RPAP3: variants seen among roughly 807,000 people sequenced by gnomAD.
The protein encoded by RPAP3 is RNA polymerase II-associated protein 3.
Under a neutral mutation model 88.8 loss-of-function variants are expected in RPAP3, and 58 were observed. That is an observed-to-expected ratio of 0.65 (90% CI 0.53 to 0.81). The LOEUF is 0.81. RPAP3 is among the 40% of genes least tolerant of loss of function. The pLI, the probability that RPAP3 is intolerant of heterozygous loss-of-function variation, is 0.00. For missense variants in RPAP3, 751 were observed against 764.3 expected (o/e 0.98, Z 0.20); for synonymous variants, 255 against 259.9 (o/e 0.98, Z 0.18).
intron 16 of RPAP3, among the ~76,000 whole-genome samples, 194 bp from the exon 17 acceptor site, chr12:47,663,784 C>G (rs1045594263): frequency 6.6e-6 from 1 of 152,180 alleles, no homozygotes; most frequent in Non-Finnish European, 1.5e-5. Context: ...AACAATGGTT[C>G]TTTCAGGAAT....
chr12:47,686,947 T>A lies in RPAP3; in HGVS notation c.865-40A>T, dbSNP rs10875680. 161,267 of 1,268,124 alleles carry A rather than the reference T, an allele frequency of 0.13. 10,915 individuals carry two copies. Among genetic ancestry groups the A allele is most frequent in the Admixed American group, 0.37 (14,481 of 39,300 alleles). The allele number at this position is 1,268,124 out of a possible 1,614,324, so 78.6% of individuals were successfully genotyped here. A position where few individuals can be genotyped will look rare whatever the true frequency, so the allele number is the denominator to read the frequency against. On this transcript the variant is annotated intron_variant, in intron 8 of 16. Coordinates refer to ENST00000005386, the MANE Select transcript of RPAP3 (RefSeq NM_024604.3). ...AGAGATATGGAGAATAAAAAAAAAA[T>A]TTCAAAAAAAATAAATGAATTCAAA...
chr12:47,661,253 T>C lies in RPAP3; in HGVS notation c.*2252A>G, dbSNP rs1251572892. 1 of 152,182 alleles carries C rather than the reference T, an allele frequency of 6.6e-6. No homozygotes were observed. Among genetic ancestry groups the C allele is most frequent in the African/African-American group, 2.4e-5 (1 of 41,458 alleles). 9.4% of individuals were successfully genotyped at this position (152,182 alleles called of 1,614,324 possible). ...GCAATAGGTTGTATACGCAGGTTAT[T>C]TGACCCAAAAATGACTTTATTAACC... On this transcript the variant is annotated 3_prime_UTR_variant, in exon 17 of 17. Transcript: ENST00000005386.
intron 12 of RPAP3, among the ~76,000 whole-genome samples, chr12:47,671,695 A>G (rs1004765185): frequency 3.3e-5 from 5 of 152,334 alleles, no homozygotes; most frequent in African/African-American, 1.2e-4. Flanking sequence ...TCAAGAATGG[A>G]TATGTGTATT....
At chr12:47,669,794 TAAA>T (rs1156488591) in intron 13 of RPAP3, among the ~76,000 whole-genome samples, 1 of 152,150 alleles carries the variant, frequency 6.6e-6, no homozygotes, top group East Asian at 1.9e-4. Context: ...AGCTTCCTTT[TAAA>T]AAACTAAAAT....
chr12:47,688,507 T>A (rs1017400448), intron 7 of RPAP3, among the ~76,000 whole-genome samples: 2 of 152,164 alleles, frequency 1.3e-5, no homozygotes, highest in Non-Finnish European at 2.9e-5. Flanking sequence ...TTATTTTAAA[T>A]AAATAAATAA....
chr12:47,681,869 A>C (rs778706124), intron 9 of RPAP3, 52 bp from the exon 10 acceptor site: 3 of 1,498,940 alleles, frequency 2.0e-6, no homozygotes, highest in East Asian at 4.9e-5. Context: ...TTATGGAAAA[A>C]TGTCATATAA....
chr12:47,702,938 A>T, intron 1 of RPAP3, 92 bp from the exon 2 acceptor site: 1 of 964,558 alleles, frequency 1.0e-6, no homozygotes, highest in Non-Finnish European at 1.5e-6. Context: ...ACCACTTCAT[A>T]AGTGGCCAAG....
At chr12:47,678,041 C>T (rs1221014812) in intron 12 of RPAP3, among the ~76,000 whole-genome samples, 1 of 152,062 alleles carries the variant, frequency 6.6e-6, no homozygotes, top group Non-Finnish European at 1.5e-5. Context: ...GTACTGGTAC[C>T]AAAACAGAGA....
At chr12:47,701,365 C>T (rs1939649843) in intron 3 of RPAP3, 99 bp downstream of exon 3, 8 of 783,436 alleles carry the variant, frequency 1.0e-5, no homozygotes, top group African/African-American at 1.8e-5. Flanking sequence ...AAAACACAGG[C>T]CATAACTCTA....
Position 47,697,628 on chromosome 12 carries a change from T to C in RPAP3, c.386A>G (p.Asp129Gly). The change falls in exon 4 of 17, where the codon GAT (aspartate) becomes GGT (glycine). Residue 129 changes from aspartate to glycine, a missense_variant. Transcript: ENST00000005386. ...SESEEDGIHV[D>G]SQKALVLKEK... ...TTTTAAAACAAGAGCCTTTTGTGAA[T>C]CTACATGAATCCCATCTTCTTCCGA... 1 of 1,610,278 alleles carries C rather than the reference T, an allele frequency of 6.2e-7. No homozygotes were observed. Among genetic ancestry groups the C allele is most frequent in the Non-Finnish European group, 8.5e-7 (1 of 1,178,710 alleles).
intron 9 of RPAP3, among the ~76,000 whole-genome samples, chr12:47,682,681 A>T (rs1268496546): frequency 4.0e-5 from 5 of 123,738 alleles, no homozygotes; most frequent in East Asian, 2.0e-4. Context: ...TAAGAATATT[A>T]AAAAAAAAAA....
chr12:47,675,793 A>T (rs909360108), intron 12 of RPAP3, among the ~76,000 whole-genome samples: 2 of 152,146 alleles, frequency 1.3e-5, no homozygotes, highest in Non-Finnish European at 2.9e-5. Flanking sequence ...AACAATAATA[A>T]TGGGAGACTT....
At chr12:47,669,992 T>C in intron 13 of RPAP3, 115 bp downstream of exon 13, 1 of 677,674 alleles carries the variant, frequency 1.5e-6, no homozygotes, top group Non-Finnish European at 2.6e-6. Context: ...AAACTTAAGT[T>C]AGGCAGTTCA....
intron 7 of RPAP3, 87 bp from the exon 8 acceptor site, chr12:47,688,088 T>C: frequency 2.7e-6 from 3 of 1,123,230 alleles, no homozygotes; most frequent in Non-Finnish European, 3.6e-6. Context: ...ACCTCAAATA[T>C]ATTAGAATTT....
At chr12:47,683,822 G>A (rs996339923) in intron 9 of RPAP3, among the ~76,000 whole-genome samples, 2 of 152,100 alleles carry the variant, frequency 1.3e-5, no homozygotes, top group African/African-American at 2.4e-5. Flanking sequence ...CTTGCCCTAG[G>A]TCTACTCTGG....
In RPAP3 at chr12:47,689,117, T is replaced by G; in HGVS notation, c.738+8A>C. 10 of 1,300,018 alleles carry G rather than the reference T, an allele frequency of 7.7e-6. No individual in the cohort carries two copies. Among genetic ancestry groups the G allele is most frequent in the South Asian group, 1.2e-5 (1 of 80,130 alleles). 80.5% of individuals were successfully genotyped at this position (1,300,018 alleles called of 1,614,324 possible). On this transcript the variant is annotated splice_region_variant and intron_variant, in intron 7 of 16. Coordinates refer to ENST00000005386, the MANE Select transcript of RPAP3 (RefSeq NM_024604.3). ...ATAATACACTTAATTTAAATAACTATAGTTTACCTGACTGATTTTCCTGAG... is the reference window on the plus strand; with the variant it reads ...ATAATACACTTAATTTAAATAACTAGAGTTTACCTGACTGATTTTCCTGAG...
At position 47,681,764 on chromosome 12, in the gene RPAP3, T is replaced by C; in HGVS notation, c.1046A>G (p.Tyr349Cys). 1.9e-6 allele frequency: 3 copies of C among 1,611,722 alleles called. No homozygotes were observed. Among genetic ancestry groups the C allele is most frequent in the Non-Finnish European group, 1.7e-6 (2 of 1,178,952 alleles). The change falls in exon 10 of 17, where the codon TAT becomes TGT. Residue 349 changes from tyrosine (Y) to cysteine (C), a missense_variant. By Grantham distance (194) the Tyr-to-Cys change is radical. Coordinates refer to ENST00000005386, the MANE Select transcript of RPAP3 (RefSeq NM_024604.3). ...TCCTCTTCTGGCAAAAGCTTTAGAATATGAGCCATCTAATAAAATGGCTTG... is the reference window on the plus strand; with the variant it reads ...TCCTCTTCTGGCAAAAGCTTTAGAACATGAGCCATCTAATAAAATGGCTTG... The part of the protein sequence containing the change: ...CTQAILLDGS[Y>C]SKAFARRGTA...
chr12:47,665,519 TA>T (rs1244091029), intron 16 of RPAP3, among the ~76,000 whole-genome samples: 2 of 151,430 alleles, frequency 1.3e-5, no homozygotes, highest in African/African-American at 4.8e-5. Context: ...TAAGAAACAG[TA>T]ACATTTTTCA....
rs1473606880 is a variant in RPAP3 at position 47,701,485 on chromosome 12, CTCATAA to C, written c.267_272del (p.Asp89_Tyr90del). ...TTACCACATCAAGTTTTGCCCATGC[CTCATAA>C]TCATAAGATTTTATCCTGTTTTTTG... On this transcript the variant is annotated inframe_deletion, in exon 3 of 17. Transcript: ENST00000005386. 2 of 1,584,834 alleles carry C rather than the reference CTCATAA, an allele frequency of 1.3e-6. No homozygotes were observed. The highest frequency in any genetic ancestry group is 1.2e-5 in the South Asian group (1 of 84,328).
Sources: gnomAD v4.1 joint callset for allele counts (sites outside exome capture counted in the v4.1 genomes callset) on GRCh38, gnomAD v4.1.1 for gene constraint, MANE v1.5 for transcripts, NCBI Gene and HGNC (gene_info 2026-07-23, HGNC 2026-07-21) for gene names.